The following NT5DC4 variants were observed in gnomAD, a reference collection of about 807,000 sequenced individuals.
NT5DC4 encodes the protein 5'-nucleotidase domain-containing protein 4.
In NT5DC4, 44 loss-of-function variants were observed where a neutral mutation model predicts 26.6. The ratio of observed to expected loss-of-function variants is 1.65; its 90% CI spans 1.30 to 2.13. The LOEUF (loss-of-function observed/expected upper bound fraction) is 2.13. Ranked by LOEUF, NT5DC4 falls within the 30% of genes most tolerant of loss-of-function variation. The pLI, the probability that NT5DC4 is intolerant of heterozygous loss-of-function variation, is 0.00. For missense variants in NT5DC4, 399 were observed against 228.1 expected (o/e 1.75, Z -4.83); for synonymous variants, 157 against 86.7 (o/e 1.81, Z -4.51).
At chr2:112,723,831 T>A (rs1455373370) in intron 9 of NT5DC4, 29 bp downstream of exon 9, 1 of 661,080 alleles carries the variant, frequency 1.5e-6, no homozygotes, top group East Asian at 3.0e-5. Flanking sequence ...GGGTGGACCG[T>A]CGGCCTCCTT....
rs1375771829 is a variant in NT5DC4 at position 112,726,285 on chromosome 2, T to A, written c.1201T>A (p.Tyr401Asn). ...KRLDTHLADI[Y>N]QHMDGSSCEL... is the part of the protein sequence containing the mutation. ...ACTGGACACGCACCTGGCAGACATA[T>A]ACCAGTGAGACCCTGGCCTTTCTGG... is the stretch of plus-strand genomic sequence containing the variant. Residue 401 changes from tyrosine (Y) to asparagine (N), a missense_variant, in exon 14 of 17, where the codon TAC becomes AAC. Tyr to Asn is a moderately radical substitution (Grantham distance 143). Coordinates refer to ENST00000688554, the MANE Select transcript of NT5DC4 (RefSeq NM_001393655.1). 7.0e-6 allele frequency: 5 copies of A among 716,892 alleles called. No homozygotes were observed. The South Asian group carries it at 7.4e-5, about 11-fold the overall frequency. The allele number at this position is 716,892 out of a possible 1,614,324, so 44.4% of individuals were successfully genotyped here.
At chr2:112,742,423 A>T (rs1405413194), downstream of NT5DC4, 1 of 717,518 alleles carries the variant, frequency 1.4e-6, no homozygotes, top group Non-Finnish European at 2.6e-6. Flanking sequence ...CTCTTCCAGC[A>T]AAGAGCTGTT....
At chr2:112,731,211 A>G (rs1678447171) in intron 16 of NT5DC4, 1 of 151,886 alleles carries the variant, frequency 6.6e-6, no homozygotes, top group African/African-American at 2.4e-5. Flanking sequence ...TGGAAAAAGG[A>G]AAAAGCAACT....
At chr2:112,719,974 C>CTTTCTTTT (rs1553430372), upstream of NT5DC4, among the ~76,000 whole-genome samples, 4,134 of 79,646 alleles carry the variant, frequency 0.052, 173 homozygotes, top group Middle Eastern at 0.07. Flanking sequence ...TTCTTTCTTT[C>CTTTCTTTT]TTTCTTTCTT....
At chr2:112,738,720 C>G in intron 16 of NT5DC4, 193 bp from the exon 17 acceptor site, 1 of 729,032 alleles carries the variant, frequency 1.4e-6, no homozygotes, top group Admixed American at 2.5e-5. Flanking sequence ...CGTCCATAAT[C>G]TGCATCCATG....
At chr2:112,739,717 C>T (rs1014423696), downstream of NT5DC4, among the ~76,000 whole-genome samples, 3 of 152,162 alleles carry the variant, frequency 2.0e-5, no homozygotes, top group Admixed American at 2.0e-4. Flanking sequence ...TCCAGTGGTG[C>T]AATCACAGCT....
In NT5DC4 at chr2:112,726,268, C is replaced by G; in HGVS notation, c.1184C>G (p.Thr395Arg). 1 of 717,264 alleles carries G rather than the reference C, an allele frequency of 1.4e-6. No individual in the cohort carries two copies. The highest frequency in any genetic ancestry group is 2.6e-6 in the Non-Finnish European group (1 of 385,012). The allele number at this position is 717,264 out of a possible 1,614,324, so 44.4% of individuals were successfully genotyped here. ...ERLEELKRLDTHLADIYQHMD... is the reference protein window; with the variant it reads ...ERLEELKRLDRHLADIYQHMD... ...TTGGAGGAGCTGAAGAGACTGGACA[C>G]GCACCTGGCAGACATATACCAGTGA... is the stretch of plus-strand genomic sequence containing the variant. Residue 395 changes from threonine to arginine, a missense_variant, in exon 14 of 17, where the codon ACG (threonine) becomes AGG (arginine). Thr to Arg is a moderately conservative substitution (Grantham distance 71). Coordinates refer to ENST00000688554, the MANE Select transcript of NT5DC4 (RefSeq NM_001393655.1).
At chr2:112,726,089 A>G in intron 13 of NT5DC4, 149 bp from the exon 14 acceptor site, 1 of 645,106 alleles carries the variant, frequency 1.6e-6, no homozygotes, top group Non-Finnish European at 2.9e-6. Context: ...GTCTGGGCAG[A>G]GTCTCACGTG....
chr2:112,741,082 AATAC>A (rs1679916647), downstream of NT5DC4: 3 of 926,038 alleles, frequency 3.2e-6, no homozygotes, highest in Middle Eastern at 2.9e-4. Context: ...TAACATGAAA[AATAC>A]ATACATACAA....
upstream of NT5DC4, among the ~76,000 whole-genome samples, chr2:112,720,183 C>T (rs111465371): frequency 0.02 from 2,958 of 149,102 alleles, 119 homozygotes; most frequent in African/African-American, 0.069. Flanking sequence ...TGCCAAGAGG[C>T]TAATTTTTTT....
chr2:112,731,081 G>A (rs745362901), intron 16 of NT5DC4: 5 of 152,070 alleles, frequency 3.3e-5, no homozygotes, highest in Non-Finnish European at 4.4e-5. Context: ...TTCTTATAAG[G>A]GTTAGGGCAA....
At chr2:112,735,487 C>A (rs934293548) in intron 16 of NT5DC4, among the ~76,000 whole-genome samples, 4 of 123,026 alleles carry the variant, frequency 3.3e-5, no homozygotes, top group Admixed American at 1.8e-4. Flanking sequence ...AATCCTCCCC[C>A]CCCTTTTTTT....
rs751726511 is a variant in NT5DC4, at chr2:112,726,241, G to A, written c.1157G>A (p.Arg386Gln). The change falls in exon 14 of 17, where the codon CGG (arginine) becomes CAG (glutamine). Residue 386 changes from arginine to glutamine, a missense_variant. Coordinates refer to ENST00000688554, the MANE Select transcript of NT5DC4 (RefSeq NM_001393655.1). ...ELDIWAQEKERLEELKRLDTH... is the reference protein window; with the variant it reads ...ELDIWAQEKEQLEELKRLDTH... ...CTGACCCCTGGTGGCTTTTCAGAGCGGTTGGAGGAGCTGAAGAGACTGGAC... is the reference window on the plus strand; with the variant it reads ...CTGACCCCTGGTGGCTTTTCAGAGCAGTTGGAGGAGCTGAAGAGACTGGAC... 38 of 716,714 alleles carry A rather than the reference G, an allele frequency of 5.3e-5. No individual in the cohort carries two copies. Among genetic ancestry groups the A allele is most frequent in the Middle Eastern group, 2.3e-4 (1 of 4,386 alleles). The allele number at this position is 716,714 out of a possible 1,614,324, so 44.4% of individuals were successfully genotyped here.
chr2:112,739,117 T>A (rs1291042917), downstream of NT5DC4: 14 of 1,201,480 alleles, frequency 1.2e-5, no homozygotes, highest in Admixed American at 2.0e-5. Flanking sequence ...ATTTTTTGTT[T>A]CTTATTCAAT....
At chr2:112,734,327 T>C (rs1678825703) in intron 16 of NT5DC4, among the ~76,000 whole-genome samples, 3 of 152,148 alleles carry the variant, frequency 2.0e-5, no homozygotes, top group Admixed American at 1.3e-4. Flanking sequence ...AGGCATAGCA[T>C]TAACCAGGGA....
chr2:112,735,616 A>G (rs1679052047), intron 16 of NT5DC4, among the ~76,000 whole-genome samples: 1 of 152,022 alleles, frequency 6.6e-6, no homozygotes, highest in Non-Finnish European at 1.5e-5. Context: ...CTCCTTCCCA[A>G]ATCATTAAGG....
chr2:112,728,965 C>G (rs189121036), intron 15 of NT5DC4, among the ~76,000 whole-genome samples: 1 of 152,164 alleles, frequency 6.6e-6, no homozygotes, highest in East Asian at 1.9e-4. Context: ...TGGCCCAGAC[C>G]GCTCCTGTGG....
chr2:112,729,099 G>T (rs2104768736), intron 15 of NT5DC4, among the ~76,000 whole-genome samples: 1 of 152,304 alleles, frequency 6.6e-6, no homozygotes, highest in African/African-American at 2.4e-5. Flanking sequence ...AACACTTAAA[G>T]AAATTTGACC....
chr2:112,719,974 C>CTTTCTT (rs1553430372), upstream of NT5DC4, among the ~76,000 whole-genome samples: 4 of 79,670 alleles, frequency 5.0e-5, no homozygotes, highest in Non-Finnish European at 1.0e-4. Flanking sequence ...TTCTTTCTTT[C>CTTTCTT]TTTCTTTCTT....
Sources: gnomAD v4.1 joint callset for allele counts (sites outside exome capture counted in the v4.1 genomes callset) on GRCh38, gnomAD v4.1.1 for gene constraint, MANE v1.5 for transcripts, NCBI Gene and HGNC (gene_info 2026-07-23, HGNC 2026-07-21) for gene names.